WDFY3: variants seen among roughly 807,000 people sequenced by gnomAD.
WDFY3 encodes the protein WD repeat and FYVE domain containing 3.
In WDFY3, 66 loss-of-function variants were observed where a neutral mutation model predicts 409.6. That is an observed-to-expected ratio of 0.16 (90% CI 0.13 to 0.20). WDFY3 has a LOEUF of 0.20. WDFY3 is among the 10% of genes least tolerant of loss of function. The pLI is 1.00. For synonymous variants in WDFY3, 1,521 were observed against 1,537.1 expected, an observed-to-expected ratio of 0.99 and a Z score of 0.25; for missense variants, 3,031 against 4,298.1, an observed-to-expected ratio of 0.71 and a Z score of 8.24.
intron 67 of WDFY3, 62 bp downstream of exon 67, chr4:84,677,137 A>C (rs1726426044): frequency 6.3e-7 from 1 of 1,588,286 alleles, no homozygotes; most frequent in Non-Finnish European, 8.6e-7. Flanking sequence ...TGTGTGCAGG[A>C]CATAATTAAC....
intron 1 of WDFY3, among the ~76,000 whole-genome samples, chr4:84,940,186 A>G (rs183287701): frequency 6.6e-6 from 1 of 152,250 alleles, no homozygotes; most frequent in Non-Finnish European, 1.5e-5. Context: ...TGCTATGTCC[A>G]TATCACTATG....
At chr4:84,939,793 A>G (rs912504026) in intron 1 of WDFY3, among the ~76,000 whole-genome samples, 1 of 152,000 alleles carries the variant, frequency 6.6e-6, no homozygotes, top group Non-Finnish European at 1.5e-5. Flanking sequence ...GCCCTACCCT[A>G]TCCTAGAATC....
At position 84,776,948 on chromosome 4, in the gene WDFY3, T is replaced by C. The variant is rs750489726; in HGVS notation, c.4518+1555A>G. On this transcript the variant is annotated intron_variant, in intron 27 of 67. Coordinates refer to ENST00000295888, the MANE Select transcript of WDFY3 (RefSeq NM_014991.6). Reference sequence around the variant, plus strand: ...GAAGTGATAGTTATCCTAGTATGAATAGGAGAAGAATTGATTAGGGCTTGA... The same window carrying C: ...GAAGTGATAGTTATCCTAGTATGAACAGGAGAAGAATTGATTAGGGCTTGA... Among the ~76,000 whole-genome samples, 8 of 151,980 alleles carry C rather than the reference T, an allele frequency of 5.3e-5. No homozygotes were observed. In the East Asian group the frequency reaches 5.8e-4, roughly 11 times the overall value.
intron 1 of WDFY3, among the ~76,000 whole-genome samples, chr4:84,942,729 C>T (rs1424465950): frequency 1.3e-5 from 2 of 152,142 alleles, no homozygotes; most frequent in African/African-American, 4.8e-5. Context: ...AATATCTGTT[C>T]AAATTATTTG....
chr4:84,956,352 G>A (rs577549529), intron 1 of WDFY3, among the ~76,000 whole-genome samples: 3 of 152,228 alleles, frequency 2.0e-5, no homozygotes, highest in Middle Eastern at 3.4e-3. Flanking sequence ...TTATTTCAAG[G>A]ACCCAGAGTG....
At chr4:84,684,636 T>C (rs1727990828) in intron 62 of WDFY3, among the ~76,000 whole-genome samples, 1 of 151,846 alleles carries the variant, frequency 6.6e-6, no homozygotes, top group Admixed American at 6.6e-5. Context: ...GGTAATGCTG[T>C]AATATCCTAT....
intron 17 of WDFY3, among the ~76,000 whole-genome samples, chr4:84,801,046 T>C (rs1385202270): frequency 6.6e-6 from 1 of 152,004 alleles, no homozygotes; most frequent in East Asian, 1.9e-4. Context: ...GGGCTAACGA[T>C]GTTGGGGTTA....
At chr4:84,877,302 A>G (rs1762922207) in intron 3 of WDFY3, among the ~76,000 whole-genome samples, 1 of 151,978 alleles carries the variant, frequency 6.6e-6, no homozygotes, top group Admixed American at 6.6e-5. Flanking sequence ...CATCCTTTAA[A>G]TCTGAGCTCA....
chr4:84,943,590 GTAAT>G (rs2151052899), intron 1 of WDFY3, among the ~76,000 whole-genome samples: 1 of 152,212 alleles, frequency 6.6e-6, no homozygotes, highest in Admixed American at 6.5e-5. Flanking sequence ...AACACTATCA[GTAAT>G]TAAGTTTTGG....
intron 5 of WDFY3, chr4:84,844,349 C>T (rs1040599622): frequency 6.1e-5 from 60 of 990,316 alleles, no homozygotes; most frequent in Middle Eastern, 2.7e-4. Flanking sequence ...CTTGCCCCCT[C>T]CAAAAAAAAA....
intron 5 of WDFY3, among the ~76,000 whole-genome samples, chr4:84,849,279 G>A (rs1374225594): frequency 6.6e-6 from 1 of 152,036 alleles, no homozygotes; most frequent in Non-Finnish European, 1.5e-5. Flanking sequence ...GGTCTACTGG[G>A]AAGATCAAGA....
chr4:84,755,423 A>G, intron 33 of WDFY3, 23 bp from the exon 34 acceptor site: 1 of 1,580,432 alleles, frequency 6.3e-7, no homozygotes, highest in Non-Finnish European at 8.5e-7. Flanking sequence ...AAGGGAGCAA[A>G]TATTAGCCAC....
intron 24 of WDFY3, among the ~76,000 whole-genome samples, chr4:84,784,291 G>A (rs905339246): frequency 1.3e-5 from 2 of 152,086 alleles, no homozygotes; most frequent in East Asian, 1.9e-4. Flanking sequence ...AACACCACCT[G>A]TATAAATGAA....
At chr4:84,905,638 A>G (rs779734919) in intron 2 of WDFY3, among the ~76,000 whole-genome samples, 4 of 152,344 alleles carry the variant, frequency 2.6e-5, no homozygotes, top group Non-Finnish European at 5.9e-5. Context: ...TTTGGGGGCT[A>G]GAGGACAGGT....
intron 56 of WDFY3, among the ~76,000 whole-genome samples, chr4:84,699,974 T>C (rs1203479847): frequency 6.6e-6 from 1 of 151,926 alleles, no homozygotes; most frequent in African/African-American, 2.4e-5. Flanking sequence ...TTAGATATAT[T>C]ATTTGCAAAT....
At position 84,721,558 on chromosome 4, in the gene WDFY3, G is replaced by A; in HGVS notation, c.7456C>T (p.Pro2486Ser). ...GGTGCAGATCGGGAGCGTTTTAGAGGAGGCTTGACCAAACCTACAGTATAA... is the reference window on the plus strand; with the variant it reads ...GGTGCAGATCGGGAGCGTTTTAGAGAAGGCTTGACCAAACCTACAGTATAA... The part of the protein sequence containing the change: ...IAKVKGLVKP[P>S]LKRSRSAPDG... Residue 2486 changes from proline (P) to serine (S), a missense_variant, in exon 47 of 68, where the codon CCT (proline) becomes TCT (serine). Coordinates refer to ENST00000295888, the MANE Select transcript of WDFY3 (RefSeq NM_014991.6). 1 of 1,606,144 alleles carries A rather than the reference G, an allele frequency of 6.2e-7. No homozygotes were observed. The highest frequency in any genetic ancestry group is 1.1e-5 in the South Asian group (1 of 91,072).
chr4:84,867,883 A>G (rs577999333), intron 3 of WDFY3, among the ~76,000 whole-genome samples: 2 of 152,268 alleles, frequency 1.3e-5, no homozygotes, highest in Admixed American at 6.5e-5. Context: ...AATTATAAGC[A>G]ATTCCTGCCG....
intron 2 of WDFY3, among the ~76,000 whole-genome samples, chr4:84,913,412 C>G (rs562572845): frequency 8.5e-5 from 13 of 152,240 alleles, no homozygotes; most frequent in Non-Finnish European, 1.6e-4. Context: ...TAGAGCTGAT[C>G]AGGAAACTGT....
Position 84,690,036 on chromosome 4 carries a change from C to G in WDFY3, c.9363+470G>C, listed in dbSNP as rs980219506. 2.0e-5 allele frequency among the ~76,000 whole-genome samples: 3 copies of G among 152,048 alleles called. No homozygotes were observed. The South Asian group carries it at 6.2e-4, about 32-fold the overall frequency. On this transcript the variant is annotated intron_variant, in intron 61 of 67. Transcript: ENST00000295888. Reference sequence around the variant, plus strand: ...TATGTAATAGACAATCAGAAATACTCGTTAATTAAATCATCAAGGGCTCTA... The same window carrying G: ...TATGTAATAGACAATCAGAAATACTGGTTAATTAAATCATCAAGGGCTCTA...
Sources: gnomAD v4.1 joint callset for allele counts (sites outside exome capture counted in the v4.1 genomes callset) on GRCh38, gnomAD v4.1.1 for gene constraint, MANE v1.5 for transcripts, NCBI Gene and HGNC (gene_info 2026-07-23, HGNC 2026-07-21) for gene names.